The following NUP98 variants were observed in gnomAD, a reference collection of about 807,000 sequenced individuals.
NUP98 encodes nuclear pore complex protein Nup98-Nup96.
In NUP98, 26 loss-of-function variants were observed where a neutral mutation model predicts 191.9. The observed-to-expected ratio is 0.14, with a 90% CI of 0.10 to 0.19. The LOEUF is 0.19. Among genes scored for constraint, NUP98 ranks in the 10% least tolerant of loss-of-function variants. The probability of loss-of-function intolerance (pLI) is 1.00; values close to 1 mark genes in which losing one functional copy is unlikely to be tolerated. For missense variants in NUP98, 1,941 were observed against 2,178.8 expected (o/e 0.89, Z 2.17); for synonymous variants, 808 against 778.4 (o/e 1.04, Z -0.63).
intron 8 of NUP98, among the ~76,000 whole-genome samples, chr11:3,768,314 G>C (rs61877632): frequency 6.6e-6 from 1 of 151,694 alleles, no homozygotes; most frequent in Non-Finnish European, 1.5e-5. Context: ...CCAGCTACTC[G>C]GGAGGCTGAG....
intron 25 of NUP98, among the ~76,000 whole-genome samples, chr11:3,696,461 T>G (rs1420678765): frequency 1.3e-5 from 2 of 149,568 alleles, no homozygotes; most frequent in African/African-American, 4.9e-5. Flanking sequence ...GAGATTGCAC[T>G]ACTGCACTCC....
chr11:3,736,970 T>C (rs1256135899), intron 12 of NUP98, among the ~76,000 whole-genome samples: 1 of 152,164 alleles, frequency 6.6e-6, no homozygotes, highest in Non-Finnish European at 1.5e-5. Context: ...ACATCTGTTA[T>C]CAATTGCAGA....
In NUP98 at chr11:3,676,799, A is replaced by G. The variant is rs146800565; in HGVS notation, c.5074-179T>C. 2.2e-3 allele frequency: 1,584 copies of G among 728,316 alleles called. 4 individuals carry two copies. The highest frequency in any genetic ancestry group is 3.0e-3 in the Non-Finnish European group (1,221 of 400,482). The allele number at this position is 728,316 out of a possible 1,614,324, so 45.1% of individuals were successfully genotyped here. On this transcript the variant is annotated intron_variant, in intron 31 of 32. Coordinates refer to ENST00000324932, the MANE Select transcript of NUP98 (RefSeq NM_016320.5). ...GAGGACAAGGCACTAATTATGCAGT[A>G]ATAGCCAAGAGGAAGGTAACACAGT...
At chr11:3,762,871 C>A in intron 9 of NUP98, 31 bp downstream of exon 9, 1 of 1,604,964 alleles carries the variant, frequency 6.2e-7, no homozygotes, top group South Asian at 1.1e-5. Flanking sequence ...TTACACACAT[C>A]TTCAAATTAC....
intron 1 of NUP98, among the ~76,000 whole-genome samples, chr11:3,786,599 C>G (rs1160801027): frequency 6.6e-6 from 1 of 152,162 alleles, no homozygotes; most frequent in Non-Finnish European, 1.5e-5. Flanking sequence ...TTCTCAGATA[C>G]AAGAAGTAGC....
chr11:3,766,692 A>AC (rs1283837704), intron 8 of NUP98, among the ~76,000 whole-genome samples: 171 of 150,490 alleles, frequency 1.1e-3, no homozygotes, highest in Non-Finnish European at 1.9e-3. Context: ...TCCGTCTCAA[A>AC]AAAAAAAAAA....
In NUP98 at chr11:3,791,096, C is replaced by T. The variant is rs570058746; in HGVS notation, c.-29+6304G>A. On this transcript the variant is annotated intron_variant, in intron 1 of 32. Transcript: ENST00000324932. The stretch of plus-strand genomic sequence containing the variant: ...ATTTTTAGTAGAGACGGGTTTTCAC[C>T]GTGTTAGCCAGGATGGTCTCGATCT... Among the ~76,000 whole-genome samples, 251 of 152,014 alleles carry T rather than the reference C, an allele frequency of 1.7e-3. 1 individual carries two copies. Among genetic ancestry groups the T allele is most frequent in the Admixed American group, 2.8e-3 (43 of 15,280 alleles).
In NUP98 at chr11:3,695,603, T is replaced by C. The variant is rs1322472111; in HGVS notation, c.4013A>G (p.Asp1338Gly). The C allele has an allele frequency of 6.3e-7, 1 of 1,581,670 alleles. No individual in the cohort carries two copies. The part of the protein sequence containing the change: ...EACSLAQQSG[D>G]HRLALLLSQF... Reference sequence around the variant, plus strand: ...AGATAAAAGAAGAGCAAGACGATGATCCCCTATAAGAGAAATGGAAGTTTT... The same window carrying C: ...AGATAAAAGAAGAGCAAGACGATGACCCCCTATAAGAGAAATGGAAGTTTT... Residue 1338 changes from aspartate to glycine, a missense_variant, in exon 26 of 33, where the codon GAT becomes GGT. Physicochemically the swap from Asp to Gly is moderately conservative, Grantham distance 94. Coordinates refer to ENST00000324932, the MANE Select transcript of NUP98 (RefSeq NM_016320.5).
chr11:3,744,784 G>T, intron 11 of NUP98, 135 bp from the exon 12 acceptor site: 1 of 940,044 alleles, frequency 1.1e-6, no homozygotes, highest in Non-Finnish European at 1.6e-6. Flanking sequence ...GGTGAATACG[G>T]TAAGTGTTAC....
intron 18 of NUP98, among the ~76,000 whole-genome samples, chr11:3,719,127 A>G (rs898392925): frequency 5.3e-5 from 8 of 152,094 alleles, no homozygotes; most frequent in African/African-American, 9.7e-5. Context: ...TCTCAAAAAA[A>G]AAAAATAATA....
chr11:3,693,592 T>C (rs2078392227), intron 26 of NUP98, among the ~76,000 whole-genome samples: 1 of 152,202 alleles, frequency 6.6e-6, no homozygotes, highest in Non-Finnish European at 1.5e-5. Context: ...AGAGTTGCAC[T>C]GTGTGGCCCA....
chr11:3,706,675 CAGAAAT>C (rs2078871682), intron 20 of NUP98, 48 bp from the exon 21 acceptor site: 1 of 1,495,398 alleles, frequency 6.7e-7, no homozygotes, highest in Non-Finnish European at 9.2e-7. Context: ...TTATACCAAA[CAGAAAT>C]AGATTCTAAA....
At chr11:3,720,863 A>G in intron 16 of NUP98, 38 bp from the exon 17 acceptor site, 1 of 857,842 alleles carries the variant, frequency 1.2e-6, no homozygotes, top group Non-Finnish European at 1.9e-6. Flanking sequence ...AAAAAAAAAT[A>G]ACCTGAAATA....
At chr11:3,761,596 T>TA (rs1274029759) in intron 9 of NUP98, among the ~76,000 whole-genome samples, 1 of 151,962 alleles carries the variant, frequency 6.6e-6, no homozygotes, top group Non-Finnish European at 1.5e-5. Context: ...CATTCTCTAC[T>TA]AAAAATACAA....
chr11:3,718,972 T>G (rs560054293), intron 18 of NUP98, among the ~76,000 whole-genome samples: 2 of 151,862 alleles, frequency 1.3e-5, no homozygotes, highest in South Asian at 4.2e-4. Flanking sequence ...ATACAAAAAT[T>G]AGCCAGGCAT....
At chr11:3,692,335 CA>C (rs1231362876) in intron 27 of NUP98, among the ~76,000 whole-genome samples, 2 of 139,806 alleles carry the variant, frequency 1.4e-5, no homozygotes, top group Admixed American at 7.1e-5. Flanking sequence ...AAAAAAAAAA[CA>C]AAAAAAAACA....
In NUP98 at chr11:3,700,856, GGAATA is replaced by G; in HGVS notation, c.3513-22_3513-18del. On this transcript the variant is annotated intron_variant, in intron 23 of 32. Coordinates refer to ENST00000324932, the MANE Select transcript of NUP98 (RefSeq NM_016320.5). ...TCAGTTAGGCTACAAGAGCAAATGA[GGAATA>G]GAATAGAAAATGAACCTAAGACAGA... The G allele has an allele frequency of 2.6e-6, 4 of 1,559,682 alleles. No homozygotes were observed. Among genetic ancestry groups the G allele is most frequent in the Non-Finnish European group, 3.5e-6 (4 of 1,136,154 alleles).
chr11:3,695,325 C>T, intron 26 of NUP98, 124 bp downstream of exon 26: 5 of 829,516 alleles, frequency 6.0e-6, no homozygotes, highest in Non-Finnish European at 6.9e-6. Flanking sequence ...GAAAATTGTC[C>T]AATGTGTAAA....
chr11:3,714,118 C>T (rs2079103689), intron 18 of NUP98, 123 bp from the exon 19 acceptor site: 1 of 996,426 alleles, frequency 1.0e-6, no homozygotes, highest in Non-Finnish European at 1.5e-6. Context: ...AATTATTCTG[C>T]ATGTGTCATA....
Sources: allele counts gnomAD v4.1 joint callset (sites outside exome capture counted in the v4.1 genomes callset), GRCh38; gene constraint gnomAD v4.1.1; transcripts MANE v1.5; gene names NCBI Gene and HGNC (gene_info 2026-07-23, HGNC 2026-07-21).